The following CSMD1 variants were observed in gnomAD, a reference collection of about 807,000 sequenced individuals.
CSMD1 encodes the protein CUB and sushi domain-containing protein 1.
In CSMD1, 213 loss-of-function variants were observed where a neutral mutation model predicts 417.5. That is an observed-to-expected ratio of 0.51 (90% CI 0.46 to 0.57). The LOEUF is 0.57. Among genes scored for constraint, CSMD1 ranks in the 20% least tolerant of loss-of-function variants. The pLI is 0.00. For missense variants in CSMD1, 6,923 were observed against 4,529.7 expected (o/e 1.53, Z -15.17); for synonymous variants, 2,862 against 1,736.8 (o/e 1.65, Z -16.11).
chr8:4,646,433 ATGTAGTAAAATGTT>A (rs773236561), intron 1 of CSMD1, among the ~76,000 whole-genome samples: 9 of 152,170 alleles, frequency 5.9e-5, no homozygotes, highest in Non-Finnish European at 1.2e-4. Context: ...CAGTGAATGA[ATGTAGTAAAATGTT>A]TCCCTAAGTA....
intron 40 of CSMD1, among the ~76,000 whole-genome samples, chr8:3,145,805 A>G (rs1563084639): frequency 6.6e-6 from 1 of 152,202 alleles, no homozygotes; most frequent in Non-Finnish European, 1.5e-5. Context: ...CAATAACAAT[A>G]AAAAATCTGA....
chr8:3,144,518 A>T (rs1203373470), intron 40 of CSMD1, among the ~76,000 whole-genome samples: 1 of 152,142 alleles, frequency 6.6e-6, no homozygotes, highest in East Asian at 1.9e-4. Context: ...GATTCATATC[A>T]CGTTGTCCAA....
At chr8:3,785,620 G>C (rs1799415972) in intron 5 of CSMD1, among the ~76,000 whole-genome samples, 1 of 152,210 alleles carries the variant, frequency 6.6e-6, no homozygotes. Flanking sequence ...GATGTTAGAA[G>C]CAAGTTACCA....
chr8:3,526,942 G>C (rs888233825), intron 10 of CSMD1, among the ~76,000 whole-genome samples: 3 of 152,080 alleles, frequency 2.0e-5, no homozygotes, highest in Non-Finnish European at 4.4e-5. Context: ...TAAGATCTTT[G>C]TCAATGAGTC....
At position 4,297,144 on chromosome 8, in the gene CSMD1, A is replaced by G. The variant is rs142989741; in HGVS notation, c.415+122809T>C. On this transcript the variant is annotated intron_variant, in intron 3 of 69. Coordinates refer to ENST00000635120, the MANE Select transcript of CSMD1 (RefSeq NM_033225.6). The stretch of plus-strand genomic sequence containing the variant: ...TTTTAATCTTAATTGGCATAAAAAT[A>G]TAAAACACATAAAATAGTCATGAAT... Among the ~76,000 whole-genome samples, 197 of 152,276 alleles carry G rather than the reference A, an allele frequency of 1.3e-3. 1 individual carries two copies. The highest frequency in any genetic ancestry group is 4.6e-3 in the African/African-American group (190 of 41,564).
intron 23 of CSMD1, among the ~76,000 whole-genome samples, chr8:3,338,959 A>G (rs1277648412): frequency 2.0e-5 from 3 of 150,216 alleles, no homozygotes; most frequent in Non-Finnish European, 3.0e-5. Flanking sequence ...AGCATTACGT[A>G]TATCTCCCGA....
chr8:4,310,756 G>A (rs1798518021), intron 3 of CSMD1, among the ~76,000 whole-genome samples: 1 of 152,124 alleles, frequency 6.6e-6, no homozygotes, highest in Non-Finnish European at 1.5e-5. Context: ...GCATGGAGAG[G>A]GAGACTGTGT....
intron 2 of CSMD1, among the ~76,000 whole-genome samples, chr8:4,451,547 G>C (rs763882111): frequency 7.9e-5 from 12 of 152,042 alleles, no homozygotes; most frequent in Non-Finnish European, 1.6e-4. Context: ...CTCTGGAAAG[G>C]TAAAGGGTGA....
At chr8:3,728,119 C>T (rs555371646) in intron 6 of CSMD1, among the ~76,000 whole-genome samples, 83 of 152,256 alleles carry the variant, frequency 5.5e-4, no homozygotes, top group South Asian at 4.2e-3. Context: ...ATAATTCCCA[C>T]GTGCGATGGG....
rs150161870 is a variant in CSMD1, at chr8:4,120,446, G to T, written c.416-88347C>A. Among the ~76,000 whole-genome samples, 674 of 152,202 alleles carry T rather than the reference G, an allele frequency of 4.4e-3. 4 individuals carry two copies. The highest frequency in any genetic ancestry group is 0.034 in the Middle Eastern group (10 of 294). ...TTTTCTCTCCTTCCTCCTCCTCTCTGTCTCATCCCTGCCAGTCACTTCTCA... is the reference window on the plus strand; with the variant it reads ...TTTTCTCTCCTTCCTCCTCCTCTCTTTCTCATCCCTGCCAGTCACTTCTCA... On this transcript the variant is annotated intron_variant, in intron 3 of 69. Coordinates refer to ENST00000635120, the MANE Select transcript of CSMD1 (RefSeq NM_033225.6).
intron 10 of CSMD1, among the ~76,000 whole-genome samples, chr8:3,547,182 A>G (rs1798703541): frequency 6.6e-6 from 1 of 152,212 alleles, no homozygotes; most frequent in African/African-American, 2.4e-5. Flanking sequence ...ACCTTGTCTT[A>G]CACAAGAAAA....
At chr8:3,638,694 A>G (rs1797162449) in intron 7 of CSMD1, among the ~76,000 whole-genome samples, 1 of 152,160 alleles carries the variant, frequency 6.6e-6, no homozygotes, top group South Asian at 2.1e-4. Flanking sequence ...GAAAGTCGAC[A>G]CATGGGCAAA....
intron 1 of CSMD1, among the ~76,000 whole-genome samples, chr8:4,964,206 G>A (rs1011609233): frequency 3.9e-5 from 6 of 152,120 alleles, no homozygotes; most frequent in Admixed American, 1.3e-4. Context: ...ACATTTTAGA[G>A]CAAAATGAAT....
intron 1 of CSMD1, among the ~76,000 whole-genome samples, chr8:4,815,694 C>CAAAAAAAA (rs1218931391): frequency 1.6e-4 from 11 of 67,596 alleles, no homozygotes; most frequent in Non-Finnish European, 2.4e-4. Flanking sequence ...AAAGCTGTCT[C>CAAAAAAAA]AAAAAAAAAA....
intron 1 of CSMD1, among the ~76,000 whole-genome samples, chr8:4,765,009 T>C (rs17080162): frequency 0.71 from 108,503 of 151,830 alleles, 39,197 homozygotes; most frequent in East Asian, 0.93. Context: ...GGAATGGCTA[T>C]TTCTTGTTTA....
intron 5 of CSMD1, among the ~76,000 whole-genome samples, chr8:3,819,931 C>A (rs1801628027): frequency 6.6e-6 from 1 of 152,146 alleles, no homozygotes; most frequent in Admixed American, 6.6e-5. Flanking sequence ...CACGCCACAG[C>A]TTCGCCTCTC....
chr8:3,334,176 G>T (rs143329470), intron 23 of CSMD1, among the ~76,000 whole-genome samples: 57 of 152,280 alleles, frequency 3.7e-4, no homozygotes, highest in African/African-American at 1.1e-3. Flanking sequence ...CCTTTTCAAG[G>T]TATCAGTCAA....
At chr8:4,217,903 T>G (rs1375387875) in intron 3 of CSMD1, among the ~76,000 whole-genome samples, 1 of 152,096 alleles carries the variant, frequency 6.6e-6, no homozygotes, top group Admixed American at 6.5e-5. Context: ...GATGAGACTA[T>G]GCAAAGAAGA....
intron 1 of CSMD1, among the ~76,000 whole-genome samples, chr8:4,984,805 A>C (rs937747867): frequency 6.6e-6 from 1 of 152,174 alleles, no homozygotes; most frequent in African/African-American, 2.4e-5. Flanking sequence ...ACCCATACTT[A>C]GTGTCCTTGG....
Sources: allele counts gnomAD v4.1 joint callset (sites outside exome capture counted in the v4.1 genomes callset), GRCh38; gene constraint gnomAD v4.1.1; transcripts MANE v1.5; gene names NCBI Gene and HGNC (gene_info 2026-07-23, HGNC 2026-07-21).